ACTR3: variants seen among roughly 807,000 people sequenced by gnomAD.
The protein encoded by ACTR3 is actin-related protein 3.
ACTR3 carries 12 observed loss-of-function variants against 56.8 expected under a neutral mutation model. That is an observed-to-expected ratio of 0.21 (90% confidence interval 0.14 to 0.34). The LOEUF is 0.34. ACTR3 is among the 10% of genes least tolerant of loss of function. ACTR3 has a pLI of 1.00. For missense variants in ACTR3, 282 were observed against 512.5 expected (o/e 0.55, Z 4.34); for synonymous variants, 162 against 167.4 (o/e 0.97, Z 0.25).
At chr2:113,942,723 CT>C (rs1431530061) in intron 8 of ACTR3, among the ~76,000 whole-genome samples, 1 of 151,912 alleles carries the variant, frequency 6.6e-6, no homozygotes, top group Admixed American at 6.6e-5. Flanking sequence ...AGCTCCCCCC[CT>C]CCCTATTTGT....
chr2:113,916,990 A>G lies in ACTR3; in HGVS notation c.207A>G (p.Lys69=), dbSNP rs1184910546. ...DFFIGDEAIE[K]PTYATKWPIR... is the part of the protein sequence containing the mutation. Reference sequence around the variant, plus strand: ...TCATTGGTGATGAAGCAATAGAAAAACCTACATATGCAACAAAGGTATGTT... The same window carrying G: ...TCATTGGTGATGAAGCAATAGAAAAGCCTACATATGCAACAAAGGTATGTT... Residue 69 remains lysine (K), a synonymous_variant, in exon 3 of 12, where the codon AAA becomes AAG. Coordinates refer to ENST00000263238, the MANE Select transcript of ACTR3 (RefSeq NM_005721.5). The G allele has an allele frequency of 2.5e-6, 4 of 1,604,124 alleles. No individual in the cohort carries two copies. In the South Asian group the frequency reaches 4.5e-5, roughly 18 times the overall value.
At chr2:113,892,467 T>A (rs1678923758) in intron 1 of ACTR3, among the ~76,000 whole-genome samples, 1 of 152,210 alleles carries the variant, frequency 6.6e-6, no homozygotes, top group Non-Finnish European at 1.5e-5. Context: ...AATTCCCCCT[T>A]TAGAGTTTCA....
At chr2:113,947,995 C>T (rs972603971) in intron 8 of ACTR3, among the ~76,000 whole-genome samples, 2 of 152,002 alleles carry the variant, frequency 1.3e-5, no homozygotes, top group South Asian at 4.1e-4. Context: ...TCTTGGTCTG[C>T]GTATCCTAAC....
chr2:113,921,964 A>G (rs140470285), intron 3 of ACTR3, among the ~76,000 whole-genome samples: 113 of 152,314 alleles, frequency 7.4e-4, no homozygotes, highest in African/African-American at 2.4e-3. Context: ...AAAGAGACTG[A>G]GAATGCATGG....
At position 113,917,005 on chromosome 2, in the gene ACTR3, A is replaced by T. The variant is rs774774827; in HGVS notation, c.222A>T (p.Thr74=). Residue 74 remains threonine, a synonymous_variant, in exon 3 of 12, where the codon ACA becomes ACT. Coordinates refer to ENST00000263238, the MANE Select transcript of ACTR3 (RefSeq NM_005721.5). ...DEAIEKPTYA[T]KWPIRHGIVE... is the part of the protein sequence containing the mutation. ...CAATAGAAAAACCTACATATGCAAC[A>T]AAGGTATGTTTTTATGATTTGTATA... 3.1e-6 allele frequency: 5 copies of T among 1,600,492 alleles called. No homozygotes were observed. The African/African-American group carries it at 6.7e-5, about 22-fold the overall frequency.
chr2:113,940,899 C>T (rs544167546), intron 7 of ACTR3, among the ~76,000 whole-genome samples: 1 of 150,872 alleles, frequency 6.6e-6, no homozygotes, highest in Admixed American at 6.6e-5. Context: ...TGGCTCACTG[C>T]AGCCTCAAAC....
At chr2:113,946,690 C>CA (rs1680026513) in intron 8 of ACTR3, among the ~76,000 whole-genome samples, 1 of 152,180 alleles carries the variant, frequency 6.6e-6, no homozygotes. Flanking sequence ...TTTTGCTGTG[C>CA]AGAAGCTCTT....
At chr2:113,939,883 A>G (rs1034896136) in intron 6 of ACTR3, 76 bp from the exon 7 acceptor site, 3 of 1,379,170 alleles carry the variant, frequency 2.2e-6, no homozygotes, top group Middle Eastern at 2.3e-4. Context: ...ATTGGTCTTT[A>G]TTGGTTCATA....
chr2:113,950,058 A>G (rs1458687223), intron 8 of ACTR3, among the ~76,000 whole-genome samples: 2 of 152,290 alleles, frequency 1.3e-5, no homozygotes, highest in Non-Finnish European at 2.9e-5. Context: ...TGAGCTAGCT[A>G]TTGCTCCTAG....
intron 1 of ACTR3, among the ~76,000 whole-genome samples, chr2:113,911,287 G>GT (rs897031703): frequency 1.3e-5 from 2 of 148,594 alleles, no homozygotes; most frequent in African/African-American, 5.1e-5. Context: ...GAAATTTTTT[G>GT]TTTTTCGTTT....
intron 8 of ACTR3, among the ~76,000 whole-genome samples, chr2:113,949,389 A>AG (rs1680079760): frequency 7.4e-6 from 1 of 135,684 alleles, no homozygotes; most frequent in African/African-American, 3.5e-5. Flanking sequence ...AAAAAAAAAA[A>AG]AAAAGAAAAA....
At chr2:113,921,172 T>A (rs148764612) in intron 3 of ACTR3, among the ~76,000 whole-genome samples, 287 of 152,300 alleles carry the variant, frequency 1.9e-3, no homozygotes, top group Non-Finnish European at 3.6e-3. Context: ...CTAACTATGG[T>A]GAGACGGTAT....
intron 6 of ACTR3, 144 bp from the exon 7 acceptor site, chr2:113,939,815 T>C: frequency 1.7e-6 from 1 of 580,006 alleles, no homozygotes; most frequent in Non-Finnish European, 2.8e-6. Context: ...TTCTGAGGAA[T>C]AAAGGTAAGT....
At chr2:113,929,103 CTGTTGATGA>C (rs1320815072) in intron 4 of ACTR3, among the ~76,000 whole-genome samples, 3 of 151,046 alleles carry the variant, frequency 2.0e-5, no homozygotes, top group African/African-American at 7.3e-5. Context: ...ATCCATTTTC[CTGTTGATGA>C]ATACCTGGGC....
chr2:113,945,868 T>G (rs1237739198), intron 8 of ACTR3, among the ~76,000 whole-genome samples: 1 of 152,190 alleles, frequency 6.6e-6, no homozygotes, highest in African/African-American at 2.4e-5. Context: ...TCATTTAGCT[T>G]CCACTTAAAA....
intron 3 of ACTR3, among the ~76,000 whole-genome samples, chr2:113,925,194 C>CCTTT (rs1559473847): frequency 9.5e-6 from 1 of 105,200 alleles, no homozygotes. Flanking sequence ...ATCGTGCCAC[C>CCTTT]TTTTTTTTTT....
chr2:113,912,027 A>G (rs2104592292), intron 1 of ACTR3, among the ~76,000 whole-genome samples: 1 of 152,182 alleles, frequency 6.6e-6, no homozygotes, highest in South Asian at 2.1e-4. Flanking sequence ...GGCATGAGCC[A>G]CTGCTCCCAG....
At chr2:113,925,194 C>CTT (rs771794090) in intron 3 of ACTR3, among the ~76,000 whole-genome samples, 3,949 of 105,128 alleles carry the variant, frequency 0.038, 307 homozygotes, top group African/African-American at 0.14. Context: ...ATCGTGCCAC[C>CTT]TTTTTTTTTT....
At chr2:113,890,803 C>G (rs980145749) in intron 1 of ACTR3, 6 of 998,868 alleles carry the variant, frequency 6.0e-6, no homozygotes, top group Middle Eastern at 5.1e-4. Context: ...ATCGCTGTGA[C>G]AACATTCTGC....
Sources: gnomAD v4.1 joint callset for allele counts (sites outside exome capture counted in the v4.1 genomes callset) on GRCh38, gnomAD v4.1.1 for gene constraint, MANE v1.5 for transcripts, NCBI Gene and HGNC (gene_info 2026-07-23, HGNC 2026-07-21) for gene names.